The following BMPR1B variants were observed in gnomAD, a reference collection of about 807,000 sequenced individuals.
BMPR1B encodes the protein bone morphogenetic protein receptor type 1B.
BMPR1B carries 12 observed loss-of-function variants against 59.1 expected under a neutral mutation model. The ratio of observed to expected loss-of-function variants is 0.20; its 90% CI spans 0.13 to 0.33. The LOEUF is 0.33. Ranked by LOEUF, BMPR1B falls within the 10% of genes least tolerant of loss-of-function variation. The pLI, the probability that BMPR1B is intolerant of heterozygous loss-of-function variation, is 1.00. For missense variants in BMPR1B, 550 were observed against 610.9 expected (o/e 0.90, Z 1.05); for synonymous variants, 237 against 207.3 (o/e 1.14, Z -1.23).
chr4:95,120,186 A>AAAGGATGTTATTTT (rs1732371417), intron 6 of BMPR1B, among the ~76,000 whole-genome samples: 1 of 152,192 alleles, frequency 6.6e-6, no homozygotes. Context: ...ATGTTGCTTC[A>AAAGGATGTTATTTT]AAGGATGTTA....
intron 1 of BMPR1B, among the ~76,000 whole-genome samples, chr4:94,797,334 T>A (rs541495807): frequency 6.6e-6 from 1 of 152,286 alleles, no homozygotes; most frequent in Admixed American, 6.5e-5. Context: ...CATATCAATG[T>A]GTAAGAGAGA....
chr4:95,075,889 A>T lies in BMPR1B; in HGVS notation c.-17-28519A>T, dbSNP rs141292902. On this transcript the variant is annotated intron_variant, in intron 3 of 12. Transcript: ENST00000515059. ...CCATCCAGCCACTCTCACAAGCCTG[A>T]TGTCCATTCTTTTTTTTTCTAGTTG... Among the ~76,000 whole-genome samples, 6 of 152,206 alleles carry T rather than the reference A, an allele frequency of 3.9e-5. No homozygotes were observed. The East Asian group carries it at 1.2e-3, about 29-fold the overall frequency.
chr4:95,040,076 T>C (rs1055305292), intron 3 of BMPR1B, among the ~76,000 whole-genome samples: 5 of 136,864 alleles, frequency 3.7e-5, no homozygotes, highest in African/African-American at 1.4e-4. Flanking sequence ...ATAGGACTGA[T>C]ATTTCGTAGC....
intron 1 of BMPR1B, among the ~76,000 whole-genome samples, chr4:94,786,548 TA>T (rs1460607366): frequency 1.3e-5 from 2 of 152,116 alleles, no homozygotes; most frequent in South Asian, 2.1e-4. Flanking sequence ...TTTATTTATT[TA>T]TTTTTTTGAG....
At chr4:94,851,979 A>C (rs1725584331) in intron 1 of BMPR1B, among the ~76,000 whole-genome samples, 1 of 152,194 alleles carries the variant, frequency 6.6e-6, no homozygotes, top group South Asian at 2.1e-4. Flanking sequence ...TGTTTGTTGC[A>C]TGAATGTAAG....
chr4:95,124,600 T>G (rs1203851830), intron 7 of BMPR1B, among the ~76,000 whole-genome samples: 1 of 151,958 alleles, frequency 6.6e-6, no homozygotes, highest in Non-Finnish European at 1.5e-5. Flanking sequence ...TAATGATTTT[T>G]GTACACCCAA....
At chr4:95,079,301 G>T (rs1280366297) in intron 3 of BMPR1B, among the ~76,000 whole-genome samples, 2 of 152,156 alleles carry the variant, frequency 1.3e-5, no homozygotes, top group Non-Finnish European at 2.9e-5. Flanking sequence ...TAGGGAAGTT[G>T]TTCTACGTAC....
chr4:94,857,747 A>C (rs1224438552), intron 1 of BMPR1B, among the ~76,000 whole-genome samples: 1 of 152,190 alleles, frequency 6.6e-6, no homozygotes, highest in African/African-American at 2.4e-5. Context: ...GATGTCCTCA[A>C]AAAGACATCT....
chr4:94,833,270 T>C (rs1470573327), intron 1 of BMPR1B, among the ~76,000 whole-genome samples: 1 of 151,514 alleles, frequency 6.6e-6, no homozygotes, highest in Non-Finnish European at 1.5e-5. Flanking sequence ...GATTAATTAA[T>C]ACAAAGTGCC....
rs1398931333 is a variant in BMPR1B, at chr4:94,990,929, C to G, written c.-112-5111C>G. Among the ~76,000 whole-genome samples the G allele has an allele frequency of 2.6e-5, 4 of 152,188 alleles. No homozygotes were observed. In the East Asian group the frequency reaches 5.8e-4, roughly 22 times the overall value. ...ACTTTCCTTGCTTACCTCCCACCTT[C>G]TATGAAAACAGCTCAGCTGCCAGTG... On this transcript the variant is annotated intron_variant, in intron 2 of 12. Coordinates refer to ENST00000515059, the MANE Select transcript of BMPR1B (RefSeq NM_001203.3).
chr4:94,813,629 A>T (rs1723902631), intron 1 of BMPR1B, among the ~76,000 whole-genome samples: 1 of 152,172 alleles, frequency 6.6e-6, no homozygotes. Flanking sequence ...TTTTGAGTAG[A>T]AATGTGACAT....
At chr4:95,100,193 T>C (rs1025742888) in intron 3 of BMPR1B, among the ~76,000 whole-genome samples, 4 of 152,132 alleles carry the variant, frequency 2.6e-5, no homozygotes, top group Non-Finnish European at 5.9e-5. Context: ...CCATCTTTTT[T>C]CTTGTTTATA....
At chr4:94,861,194 A>G (rs780752181) in intron 1 of BMPR1B, among the ~76,000 whole-genome samples, 8 of 152,186 alleles carry the variant, frequency 5.3e-5, no homozygotes, top group Non-Finnish European at 1.2e-4. Context: ...TAGCTGGGTG[A>G]CTGAGGGTAA....
intron 1 of BMPR1B, among the ~76,000 whole-genome samples, chr4:94,873,968 T>G (rs895948573): frequency 2.6e-5 from 4 of 152,244 alleles, no homozygotes; most frequent in Non-Finnish European, 4.4e-5. Context: ...ACCTTCTTTC[T>G]GTTTGTTTGA....
chr4:94,985,685 A>G (rs1372258878), intron 2 of BMPR1B, among the ~76,000 whole-genome samples: 1 of 152,126 alleles, frequency 6.6e-6, no homozygotes, highest in Non-Finnish European at 1.5e-5. Flanking sequence ...TTACTGAAAG[A>G]TATAGTAGTA....
chr4:95,104,529 C>T lies in BMPR1B; in HGVS notation c.105C>T (p.His35=). The T allele has an allele frequency of 6.2e-7, 1 of 1,613,388 alleles. No individual in the cohort carries two copies. The highest frequency in any genetic ancestry group is 8.5e-7 in the Non-Finnish European group (1 of 1,179,582). ...PRPKVLRCKC[H]HHCPEDSVNN... is the part of the protein sequence containing the mutation. ...CAAAGGTCTTGCGTTGTAAATGCCACCACCATTGTCCAGAAGACTCAGTCA... is the reference window on the plus strand; with the variant it reads ...CAAAGGTCTTGCGTTGTAAATGCCATCACCATTGTCCAGAAGACTCAGTCA... Residue 35 remains histidine, a synonymous_variant, in exon 4 of 13, where the codon CAC becomes CAT. Coordinates refer to ENST00000515059, the MANE Select transcript of BMPR1B (RefSeq NM_001203.3).
chr4:94,844,780 A>C (rs1725251066), intron 1 of BMPR1B, among the ~76,000 whole-genome samples: 1 of 152,254 alleles, frequency 6.6e-6, no homozygotes, highest in Non-Finnish European at 1.5e-5. Context: ...TGAAAAAAGA[A>C]ATAAGCAGTG....
intron 3 of BMPR1B, among the ~76,000 whole-genome samples, chr4:95,037,336 C>T (rs1188809945): frequency 6.6e-6 from 1 of 152,114 alleles, no homozygotes; most frequent in Admixed American, 6.6e-5. Context: ...ATAAGGTGGT[C>T]ATTCAGGAAA....
chr4:94,987,350 G>A (rs1360467667), intron 2 of BMPR1B, among the ~76,000 whole-genome samples: 1 of 150,576 alleles, frequency 6.6e-6, no homozygotes, highest in Non-Finnish European at 1.5e-5. Context: ...TCATGGAGCT[G>A]TAAAATAGAC....
Sources: gnomAD v4.1 joint callset for allele counts (sites outside exome capture counted in the v4.1 genomes callset) on GRCh38, gnomAD v4.1.1 for gene constraint, MANE v1.5 for transcripts, NCBI Gene and HGNC (gene_info 2026-07-23, HGNC 2026-07-21) for gene names.